Variants in SSH1 observed in about 807,000 individuals in gnomAD.
SSH1 encodes the protein protein phosphatase Slingshot homolog 1.
SSH1 carries 43 observed loss-of-function variants against 79.7 expected under a neutral mutation model. The ratio of observed to expected loss-of-function variants is 0.54; its 90% CI spans 0.42 to 0.70. The LOEUF is 0.70. Ranked by LOEUF, SSH1 falls within the 30% of genes least tolerant of loss-of-function variation. SSH1 has a pLI of 0.00. For missense variants in SSH1, 1,206 were observed against 1,358.8 expected, an observed-to-expected ratio of 0.89 and a Z score of 1.77; for synonymous variants, 599 against 538.3, an observed-to-expected ratio of 1.11 and a Z score of -1.56.
intron 12 of SSH1, among the ~76,000 whole-genome samples, chr12:108,799,559 T>A (rs750500807): frequency 9.9e-5 from 15 of 152,194 alleles, no homozygotes; most frequent in Non-Finnish European, 1.9e-4. Flanking sequence ...CAAAAGCCCT[T>A]TCCTGAGACG....
intron 9 of SSH1, among the ~76,000 whole-genome samples, chr12:108,805,807 T>TG (rs778918166): frequency 7.2e-5 from 11 of 151,810 alleles, no homozygotes; most frequent in Non-Finnish European, 1.2e-4. Context: ...TAAAAAGCAA[T>TG]GGAAAAAAAA....
rs1296168794 is a variant in SSH1 at position 108,813,764 on chromosome 12, G to GAGGGGAAGGGAAGGGA, written c.402-2452_402-2437dup. Among the ~76,000 whole-genome samples the GAGGGGAAGGGAAGGGA allele has an allele frequency of 3.7e-3, 488 of 133,256 alleles. 5 individuals carry two copies. The highest frequency in any genetic ancestry group is 0.013 in the African/African-American group (458 of 35,372). The allele number at this position is 133,256 out of a possible 152,430, so 87.4% of individuals were successfully genotyped here. A position where few individuals can be genotyped will look rare whatever the true frequency, so the allele number is the denominator to read the frequency against. ...AAGGGAAGGGGAGGGGAGGGGAGGGGAGGGGAAGGGAAGGGAAGGGGAAGG... is the reference window on the plus strand; with the variant it reads ...AAGGGAAGGGGAGGGGAGGGGAGGGGAGGGGAAGGGAAGGGAAGGGGAAGGGAAGGGAAGGGGAAGG... On this transcript the variant is annotated intron_variant, in intron 5 of 14. Transcript: ENST00000326495.
At chr12:108,853,256 T>C in intron 1 of SSH1, 1 of 985,300 alleles carries the variant, frequency 1.0e-6, no homozygotes, top group Non-Finnish European at 1.2e-6. Flanking sequence ...GGTTTATTTA[T>C]ATAAATGCAA....
chr12:108,801,736 TAAA>T (rs10710750), intron 11 of SSH1, among the ~76,000 whole-genome samples: 10 of 137,688 alleles, frequency 7.3e-5, no homozygotes, highest in East Asian at 2.1e-4. Flanking sequence ...TGTGTTGTTT[TAAA>T]AAAAAAAAAA....
chr12:108,820,359 C>T lies in SSH1; in HGVS notation c.215-2046G>A, dbSNP rs1036824861. 7.2e-5 allele frequency among the ~76,000 whole-genome samples: 11 copies of T among 152,272 alleles called. No homozygotes were observed. The South Asian group carries it at 8.3e-4, about 11-fold the overall frequency. The stretch of plus-strand genomic sequence containing the variant: ...AAAGAAAGCCATAGACCTCCCCAGC[C>T]CCTTCCTCCACCCGTCATGTCACCA... On this transcript the variant is annotated intron_variant, in intron 3 of 14. Transcript: ENST00000326495.
At position 108,803,364 on chromosome 12, in the gene SSH1, GA is replaced by G. The variant is rs34525403; in HGVS notation, c.955-997del. 1.4e-3 allele frequency among the ~76,000 whole-genome samples: 197 copies of G among 144,618 alleles called. 1 individual carries two copies. Among genetic ancestry groups the G allele is most frequent in the African/African-American group, 3.9e-3 (155 of 39,540 alleles). 94.9% of individuals were successfully genotyped at this position (144,618 alleles called of 152,430 possible). A position where few individuals can be genotyped will look rare whatever the true frequency, so the allele number is the denominator to read the frequency against. ...AGCATTCAAAGGACATGGAACGGGG[GA>G]AAAAAAAAAAGAAAAGAAAAAATGA... On this transcript the variant is annotated intron_variant, in intron 10 of 14. Coordinates refer to ENST00000326495, the MANE Select transcript of SSH1 (RefSeq NM_018984.4).
In SSH1 at chr12:108,804,525, C is replaced by T. The variant is rs181115035; in HGVS notation, c.954+531G>A. The stretch of plus-strand genomic sequence containing the variant: ...ACAACCCACCCAGAGCTACAGGACC[C>T]GGGTGAGGGCTTCCAGCGGCCCTGG... On this transcript the variant is annotated intron_variant, in intron 10 of 14. Transcript: ENST00000326495. Among the ~76,000 whole-genome samples, 76 of 152,324 alleles carry T rather than the reference C, an allele frequency of 5.0e-4. 1 individual carries two copies. Among genetic ancestry groups the T allele is most frequent in the African/African-American group, 1.7e-3 (72 of 41,566 alleles).
At chr12:108,805,440 T>C (rs762000636) in intron 9 of SSH1, among the ~76,000 whole-genome samples, 14 of 152,240 alleles carry the variant, frequency 9.2e-5, no homozygotes, top group Non-Finnish European at 1.6e-4. Flanking sequence ...ATGAGATCTC[T>C]TCTACCAAGT....
rs2036162288 is a variant in SSH1, at chr12:108,782,600, T to A, written c.*5388A>T. On this transcript the variant is annotated 3_prime_UTR_variant, in exon 15 of 15. Coordinates refer to ENST00000326495, the MANE Select transcript of SSH1 (RefSeq NM_018984.4). ...CATGTAATAGATGCTCAATAAAGAC[T>A]GGCCATGTCAATGACGATGATGATG... The A allele has an allele frequency of 6.6e-6, 1 of 152,200 alleles. No homozygotes were observed. Among genetic ancestry groups the A allele is most frequent in the Non-Finnish European group, 1.5e-5 (1 of 68,042 alleles). 9.4% of individuals were successfully genotyped at this position (152,200 alleles called of 1,614,324 possible).
Position 108,792,373 on chromosome 12 carries a change from C to A in SSH1, c.1806G>T (p.Gly602=), listed in dbSNP as rs770571311. 5 of 1,614,152 alleles carry A rather than the reference C, an allele frequency of 3.1e-6. No homozygotes were observed. Among genetic ancestry groups the A allele is most frequent in the Non-Finnish European group, 4.2e-6 (5 of 1,180,024 alleles). The stretch of plus-strand genomic sequence containing the variant: ...TTTGATCGAGCTGGGTTGGAAGCTG[C>A]CCCCACCTCCCTGCTCCCAGGCCCT... ...REEGLGAGRW[G]QLPTQLDQNL... Residue 602 remains glycine (G), a synonymous_variant, in exon 14 of 15, where the codon GGG becomes GGT. Transcript: ENST00000326495.
intron 2 of SSH1, among the ~76,000 whole-genome samples, chr12:108,836,252 T>C (rs966920616): frequency 6.6e-6 from 1 of 152,152 alleles, no homozygotes; most frequent in African/African-American, 2.4e-5. Context: ...GAAATAAATA[T>C]AGATGCACGT....
At chr12:108,827,418 G>A (rs1383781636) in intron 2 of SSH1, 7 of 1,407,410 alleles carry the variant, frequency 5.0e-6, no homozygotes, top group East Asian at 2.7e-5. Flanking sequence ...GCTCCCTATG[G>A]AGATCAGGAA....
At chr12:108,821,626 C>G (rs879553013) in intron 3 of SSH1, among the ~76,000 whole-genome samples, 1 of 152,090 alleles carries the variant, frequency 6.6e-6, no homozygotes, top group Non-Finnish European at 1.5e-5. Context: ...CGACCTGTTA[C>G]GGCTTAGTAA....
At chr12:108,805,672 A>G (rs2137064951) in intron 9 of SSH1, among the ~76,000 whole-genome samples, 1 of 151,556 alleles carries the variant, frequency 6.6e-6, no homozygotes, top group African/African-American at 2.4e-5. Context: ...CAGCCTGGTC[A>G]ACACAGGAAG....
intron 2 of SSH1, among the ~76,000 whole-genome samples, chr12:108,824,304 C>T (rs903596243): frequency 3.3e-5 from 5 of 151,996 alleles, no homozygotes; most frequent in Non-Finnish European, 5.9e-5. Flanking sequence ...ATTAGCCAGG[C>T]GTGGTGGCAC....
intron 14 of SSH1, 24 bp from the exon 15 acceptor site, chr12:108,789,268 T>A (rs780066348): frequency 2.5e-6 from 4 of 1,577,324 alleles, no homozygotes; most frequent in African/African-American, 1.3e-5. Context: ...GACAAGAGCA[T>A]GGTGAGACGG....
rs1298172390 is a variant in SSH1 at position 108,783,186 on chromosome 12, T to C, written c.*4802A>G. 1 of 152,114 alleles carries C rather than the reference T, an allele frequency of 6.6e-6. No homozygotes were observed. Among genetic ancestry groups the C allele is most frequent in the East Asian group, 1.9e-4 (1 of 5,190 alleles). 9.4% of individuals were successfully genotyped at this position (152,114 alleles called of 1,614,324 possible). A position where few individuals can be genotyped will look rare whatever the true frequency, so the allele number is the denominator to read the frequency against. ...AGCTACGTTCTTTCATTGGCTCCTA[T>C]GGGACACAGCATGGGCCAATGCCTG... is the stretch of plus-strand genomic sequence containing the variant. On this transcript the variant is annotated 3_prime_UTR_variant, in exon 15 of 15. Coordinates refer to ENST00000326495, the MANE Select transcript of SSH1 (RefSeq NM_018984.4).
chr12:108,856,729 A>T (rs915188219), intron 1 of SSH1, among the ~76,000 whole-genome samples: 2 of 152,220 alleles, frequency 1.3e-5, no homozygotes, highest in Admixed American at 6.5e-5. Flanking sequence ...ACGCTGGCAC[A>T]GTCCCCGGAC....
At chr12:108,841,896 C>A (rs1201313625) in intron 2 of SSH1, among the ~76,000 whole-genome samples, 5 of 151,904 alleles carry the variant, frequency 3.3e-5, no homozygotes, top group East Asian at 3.9e-4. Context: ...GGAATCCCAG[C>A]ACTTTGGGAG....
Sources: gnomAD v4.1 joint callset for allele counts (sites outside exome capture counted in the v4.1 genomes callset) on GRCh38, gnomAD v4.1.1 for gene constraint, MANE v1.5 for transcripts, NCBI Gene and HGNC (gene_info 2026-07-23, HGNC 2026-07-21) for gene names.